UGT1A3: variants seen among roughly 807,000 people sequenced by gnomAD.
UGT1A3 encodes UDP-glucuronosyltransferase 1A3.
A neutral mutation model predicts 41.0 loss-of-function variants in UGT1A3; 31 were observed. The observed-to-expected ratio is 0.76, with a 90% CI of 0.57 to 1.02. The LOEUF is 1.02. UGT1A3 is among the 50% of genes least tolerant of loss of function. The probability of loss-of-function intolerance (pLI) is 0.00; values close to 1 mark genes in which losing one functional copy is unlikely to be tolerated. For missense variants in UGT1A3, 737 were observed against 671.0 expected (o/e 1.10, Z -1.09); for synonymous variants, 262 against 257.6 (o/e 1.02, Z -0.17).
intron 1 of UGT1A3, chr2:233,747,623 G>A: frequency 6.3e-7 from 1 of 1,577,752 alleles, no homozygotes; most frequent in Non-Finnish European, 8.7e-7. Flanking sequence ...ATGAGGCCCT[G>A]ATCAGGCACC....
intron 1 of UGT1A3, among the ~76,000 whole-genome samples, chr2:233,765,843 C>T (rs546022798): frequency 6.6e-6 from 1 of 151,968 alleles, no homozygotes; most frequent in Admixed American, 6.6e-5. Flanking sequence ...TTTCCTTGTC[C>T]CCCTCACAGA....
chr2:233,752,847 A>C (rs1252913320), intron 1 of UGT1A3, among the ~76,000 whole-genome samples: 1 of 152,248 alleles, frequency 6.6e-6, no homozygotes, highest in East Asian at 1.9e-4. Context: ...GATATATCAA[A>C]ATTTGAACTT....
At position 233,729,848 on chromosome 2, in the gene UGT1A3, G is replaced by C; in HGVS notation, c.722G>C (p.Arg241Thr). ...AGCCTTGCCTCTGAGCTTTTTCAGAGAGAGGTGTCAGTGGTGGATATTCTC... is the reference window on the plus strand; with the variant it reads ...AGCCTTGCCTCTGAGCTTTTTCAGACAGAGGTGTCAGTGGTGGATATTCTC... ...YASLASELFQ[R>T]EVSVVDILSH... The change falls in exon 1 of 5, where the codon AGA (arginine) becomes ACA (threonine). Residue 241 changes from arginine (R) to threonine (T), a missense_variant. Coordinates refer to ENST00000482026, the MANE Select transcript of UGT1A3 (RefSeq NM_019093.4). 6.2e-7 allele frequency: 1 copy of C among 1,613,874 alleles called. No homozygotes were observed. The highest frequency in any genetic ancestry group is 8.5e-7 in the Non-Finnish European group (1 of 1,179,856).
intron 1 of UGT1A3, chr2:233,747,241 C>CTG: frequency 6.2e-7 from 1 of 1,603,058 alleles, no homozygotes; most frequent in South Asian, 1.1e-5. Context: ...GGTTCCCCTG[C>CTG]TGTGGCTGGC....
intron 1 of UGT1A3, among the ~76,000 whole-genome samples, chr2:233,750,991 C>T (rs545732182): frequency 4.6e-5 from 7 of 151,894 alleles, no homozygotes; most frequent in South Asian, 2.1e-4. Flanking sequence ...AGAAGGCGGC[C>T]ACCATCCTCC....
intron 1 of UGT1A3, chr2:233,747,685 G>C: frequency 1.2e-6 from 2 of 1,608,708 alleles, no homozygotes; most frequent in Non-Finnish European, 1.7e-6. Context: ...TACCTCTGTG[G>C]GGCAGTGCTG....
chr2:233,762,062 A>G (rs1056836551), intron 1 of UGT1A3, among the ~76,000 whole-genome samples: 8 of 152,148 alleles, frequency 5.3e-5, no homozygotes, highest in Non-Finnish European at 8.8e-5. Flanking sequence ...TTCATAGCAC[A>G]TCAAATATGG....
intron 1 of UGT1A3, chr2:233,752,303 GC>G (rs1430654409): frequency 6.6e-6 from 1 of 152,154 alleles, no homozygotes; most frequent in Non-Finnish European, 1.5e-5. Context: ...GCCTTTCCTT[GC>G]CCGGTGTGCT....
intron 1 of UGT1A3, chr2:233,755,307 C>T (rs547203505): frequency 5.2e-6 from 3 of 580,082 alleles, no homozygotes; most frequent in African/African-American, 1.9e-5. Context: ...ACTGGCACAG[C>T]GAGCGGCAAG....
chr2:233,769,637 G>A lies in UGT1A3; in HGVS notation c.1307+1198G>A. The A allele has an allele frequency of 6.2e-7, 1 of 1,610,100 alleles. No individual in the cohort carries two copies. Among genetic ancestry groups the A allele is most frequent in the Non-Finnish European group, 8.5e-7 (1 of 1,178,598 alleles). On this transcript the variant is annotated intron_variant, in intron 4 of 4. Transcript: ENST00000482026. This position sits in a 1 kb window ranked among gnomAD's most constrained non-coding sequence, Gnocchi z 4.4. ...GCTTGAGCAAGGGACAACAGGGGAG[G>A]ACTGATGACTGACTTCCCACCTTTG... is the stretch of plus-strand genomic sequence containing the variant.
intron 4 of UGT1A3, chr2:233,771,247 T>G (rs1205920576): frequency 6.6e-6 from 1 of 152,190 alleles, no homozygotes; most frequent in Non-Finnish European, 1.5e-5. Flanking sequence ...TAATTAGTCC[T>G]GAATAGGAGT....
chr2:233,757,312 G>T (rs1288195448), intron 1 of UGT1A3, among the ~76,000 whole-genome samples: 1 of 141,202 alleles, frequency 7.1e-6, no homozygotes, highest in Non-Finnish European at 1.5e-5. Flanking sequence ...GGACAGGGGG[G>T]CTGGGGCCCT....
chr2:233,740,757 T>C (rs1350241076), intron 1 of UGT1A3: 3 of 151,778 alleles, frequency 2.0e-5, no homozygotes, highest in Non-Finnish European at 2.9e-5. Context: ...CTGAAAACCT[T>C]ATCAAACCGT....
chr2:233,743,701 C>G (rs13009407), intron 1 of UGT1A3: 330,777 of 1,367,248 alleles, frequency 0.24, 43,102 homozygotes, highest in South Asian at 0.3. Flanking sequence ...CGCCCTCCGC[C>G]CCCGCCTCGC....
intron 1 of UGT1A3, chr2:233,761,074 G>C (rs1315793944): frequency 1.2e-6 from 2 of 1,614,148 alleles, no homozygotes; most frequent in Admixed American, 1.7e-5. Context: ...CTTTGTGAAG[G>C]ATTACCCTAG....
intron 1 of UGT1A3, among the ~76,000 whole-genome samples, chr2:233,732,641 C>A (rs1039545438): frequency 3.9e-5 from 6 of 152,094 alleles, no homozygotes; most frequent in African/African-American, 1.4e-4. Context: ...TTTCTGAGAC[C>A]ACTGTTCTGC....
intron 1 of UGT1A3, among the ~76,000 whole-genome samples, chr2:233,730,472 G>T (rs2078038182): frequency 6.6e-6 from 1 of 152,162 alleles, no homozygotes; most frequent in South Asian, 2.1e-4. Context: ...GGAGACCTAG[G>T]CACTCACATG....
chr2:233,729,993 G>C lies in UGT1A3; in HGVS notation c.867G>C (p.Gln289His). ...INCANRKPLS[Q>H]EFEAYINASG... ...GTGCCAACAGGAAGCCACTATCTCAGGTCTGTATTGGTGCCTTCATCCAAT... is the reference window on the plus strand; with the variant it reads ...GTGCCAACAGGAAGCCACTATCTCACGTCTGTATTGGTGCCTTCATCCAAT... The change falls in exon 1 of 5, where the codon CAG (glutamine) becomes CAC (histidine). Residue 289 changes from glutamine (Q) to histidine (H), a missense_variant and splice_region_variant. Gln to His is a conservative substitution (Grantham distance 24). Coordinates refer to ENST00000482026, the MANE Select transcript of UGT1A3 (RefSeq NM_019093.4). 4 of 1,613,886 alleles carry C rather than the reference G, an allele frequency of 2.5e-6. No individual in the cohort carries two copies. Among genetic ancestry groups the C allele is most frequent in the Non-Finnish European group, 3.4e-6 (4 of 1,179,884 alleles).
chr2:233,747,841 G>C (rs1575686388), intron 1 of UGT1A3: 1 of 1,613,504 alleles, frequency 6.2e-7, no homozygotes, highest in East Asian at 2.2e-5. Flanking sequence ...TTCCTGCAAA[G>C]GGTCAAGAAC....
Sources: gnomAD v4.1 joint callset for allele counts (sites outside exome capture counted in the v4.1 genomes callset) on GRCh38, gnomAD v4.1.1 for gene constraint, Gnocchi (gnomAD v3.1) non-coding constraint, MANE v1.5 for transcripts, NCBI Gene and HGNC (gene_info 2026-07-23, HGNC 2026-07-21) for gene names.